The following RELCH variants were observed in gnomAD, a reference collection of about 807,000 sequenced individuals.
RELCH encodes the protein RAB11 binding and LisH domain, coiled-coil and HEAT repeat containing, also known as RAB11-binding protein RELCH.
Under a neutral mutation model 150.3 loss-of-function variants are expected in RELCH, and 41 were observed. The observed-to-expected ratio is 0.27, with a 90% CI of 0.21 to 0.35. The LOEUF is 0.35. RELCH is among the 10% of genes least tolerant of loss of function. The pLI, the probability that RELCH is intolerant of heterozygous loss-of-function variation, is 1.00. For missense variants in RELCH, 1,092 were observed against 1,467.8 expected (o/e 0.74, Z 4.18); for synonymous variants, 478 against 531.8 (o/e 0.90, Z 1.39).
chr18:62,270,640 CTTTTT>C (rs531266627), intron 20 of RELCH, among the ~76,000 whole-genome samples: 1 of 151,846 alleles, frequency 6.6e-6, no homozygotes, highest in Non-Finnish European at 1.5e-5. Flanking sequence ...ACTCTTCTTT[CTTTTT>C]TTTATTTTTA....
chr18:62,260,849 A>T (rs181559833), intron 15 of RELCH, among the ~76,000 whole-genome samples: 1 of 152,104 alleles, frequency 6.6e-6, no homozygotes, highest in Admixed American at 6.6e-5. Context: ...TCTCACTCAC[A>T]TGTGGGAGCT....
chr18:62,210,743 G>A (rs1368828219), intron 1 of RELCH, among the ~76,000 whole-genome samples: 1 of 152,130 alleles, frequency 6.6e-6, no homozygotes, highest in Non-Finnish European at 1.5e-5. Context: ...CATTTTACTG[G>A]TTTTTGTGTA....
In RELCH at chr18:62,302,547, G is replaced by A. The variant is rs182826315; in HGVS notation, c.3531-2867G>A. On this transcript the variant is annotated intron_variant, in intron 28 of 28. Coordinates refer to ENST00000644646, the MANE Select transcript of RELCH (RefSeq NM_001346231.2). ...TTGTTTTTGTTTTTTTCAAGATAGA[G>A]TCTCACTCTGTCTCCCAGGCTGGAG... Among the ~76,000 whole-genome samples, 298 of 152,228 alleles carry A rather than the reference G, an allele frequency of 2.0e-3. 1 individual carries two copies. The highest frequency in any genetic ancestry group is 6.9e-3 in the African/African-American group (288 of 41,524).
At chr18:62,298,460 A>AGT (rs1243163795) in intron 27 of RELCH, among the ~76,000 whole-genome samples, 1 of 152,162 alleles carries the variant, frequency 6.6e-6, no homozygotes, top group Non-Finnish European at 1.5e-5. Context: ...GTGTGACCAT[A>AGT]GTGTGTGTGT....
intron 12 of RELCH, among the ~76,000 whole-genome samples, chr18:62,253,073 A>G (rs184974828): frequency 6.6e-5 from 10 of 152,300 alleles, no homozygotes; most frequent in Admixed American, 6.5e-4. Flanking sequence ...GCTATTTTGT[A>G]GTAATTTATA....
intron 2 of RELCH, among the ~76,000 whole-genome samples, chr18:62,213,872 T>A (rs1476053574): frequency 1.3e-5 from 2 of 152,140 alleles, no homozygotes; most frequent in Admixed American, 1.3e-4. Context: ...CTGTGTAACT[T>A]TTTATTAGAA....
At chr18:62,188,080 C>T (rs1257974654) in intron 1 of RELCH, 49 bp downstream of exon 1, 9 of 1,485,638 alleles carry the variant, frequency 6.1e-6, no homozygotes, top group Non-Finnish European at 7.2e-6. Flanking sequence ...TGGGATTGTA[C>T]GGAGTTACTG....
chr18:62,244,594 G>A (rs954170671), intron 10 of RELCH, among the ~76,000 whole-genome samples, 170 bp from the exon 11 acceptor site: 8 of 152,092 alleles, frequency 5.3e-5, no homozygotes, highest in African/African-American at 7.2e-5. Context: ...ACACATAAAC[G>A]TTTTAGTGTA....
chr18:62,189,261 T>TC (rs1390308211), intron 1 of RELCH, among the ~76,000 whole-genome samples: 2 of 139,582 alleles, frequency 1.4e-5, no homozygotes, highest in Non-Finnish European at 3.1e-5. Flanking sequence ...CTTTTTTTGT[T>TC]TTTTTTTTTT....
intron 1 of RELCH, 129 bp downstream of exon 1, chr18:62,188,160 G>A (rs913854853): frequency 1.5e-5 from 17 of 1,116,262 alleles, no homozygotes; most frequent in Non-Finnish European, 2.0e-5. Context: ...ATTGGGGTGG[G>A]GGCGCTCTTT....
Position 62,305,647 on chromosome 18 carries a change from AT to A in RELCH, c.*117del. On this transcript the variant is annotated 3_prime_UTR_variant, in exon 29 of 29. Transcript: ENST00000644646. The surrounding 1 kb of genome is among the most constrained non-coding windows in gnomAD (Gnocchi z 4.0). ...CTCAGTTTTATGTTCTTGCATTATAATTTTATCCTAACCTCCAAAGATATTT... is the reference window on the plus strand; with the variant it reads ...CTCAGTTTTATGTTCTTGCATTATAATTTATCCTAACCTCCAAAGATATTT... 1 of 1,114,990 alleles carries A rather than the reference AT, an allele frequency of 9.0e-7. No individual in the cohort carries two copies. The highest frequency in any genetic ancestry group is 1.3e-6 in the Non-Finnish European group (1 of 797,708). 69.1% of individuals were successfully genotyped at this position (1,114,990 alleles called of 1,614,324 possible). A position where few individuals can be genotyped will look rare whatever the true frequency, so the allele number is the denominator to read the frequency against.
intron 10 of RELCH, among the ~76,000 whole-genome samples, chr18:62,243,727 T>C (rs2042262582): frequency 6.6e-6 from 1 of 152,086 alleles, no homozygotes; most frequent in Admixed American, 6.6e-5. Flanking sequence ...CATGCTTTTC[T>C]TCAGGTTACA....
intron 1 of RELCH, among the ~76,000 whole-genome samples, chr18:62,200,964 CTTTTTTTTTT>C (rs543882947): frequency 1.8e-5 from 1 of 54,988 alleles, no homozygotes; most frequent in African/African-American, 7.9e-5. Flanking sequence ...TTTTTCTTTG[CTTTTTTTTTT>C]TTTTTTTTTT....
In RELCH at chr18:62,255,403, C is replaced by G; in HGVS notation, c.1825-4C>G. The G allele has an allele frequency of 6.2e-7, 1 of 1,602,480 alleles. No homozygotes were observed. The stretch of plus-strand genomic sequence containing the variant: ...GCTTGATTTATTTATTTTTTTTGCT[C>G]TAGATTAATCACAAATACCCAGAAA... On this transcript the variant is annotated splice_region_variant and splice_polypyrimidine_tract_variant and intron_variant, in intron 12 of 28. Transcript: ENST00000644646.
chr18:62,258,418 C>A, intron 14 of RELCH, 94 bp from the exon 15 acceptor site: 2 of 1,124,242 alleles, frequency 1.8e-6, no homozygotes, highest in South Asian at 1.6e-5. Context: ...AAAATATGTT[C>A]TTAATTTATT....
chr18:62,234,029 A>G (rs1489033295), intron 10 of RELCH, among the ~76,000 whole-genome samples: 1 of 151,894 alleles, frequency 6.6e-6, no homozygotes, highest in Non-Finnish European at 1.5e-5. Context: ...AAAACTGATC[A>G]TCTATCTTTG....
intron 10 of RELCH, among the ~76,000 whole-genome samples, chr18:62,234,331 T>A (rs969559191): frequency 6.6e-6 from 1 of 151,430 alleles, no homozygotes; most frequent in African/African-American, 2.4e-5. Context: ...TTTTTTTTTT[T>A]ATTTGAGGCA....
chr18:62,304,352 T>C (rs1446123388), intron 28 of RELCH, among the ~76,000 whole-genome samples: 1 of 152,162 alleles, frequency 6.6e-6, no homozygotes, highest in Non-Finnish European at 1.5e-5. Context: ...GAGAAGCTTT[T>C]CAAGGTGGGA....
At chr18:62,199,673 G>T (rs117167995) in intron 1 of RELCH, among the ~76,000 whole-genome samples, 1 of 152,124 alleles carries the variant, frequency 6.6e-6, no homozygotes, top group Non-Finnish European at 1.5e-5. Context: ...TGTTTCTGAG[G>T]CCATTCACAA....
Sources: allele counts gnomAD v4.1 joint callset (sites outside exome capture counted in the v4.1 genomes callset), GRCh38; gene constraint gnomAD v4.1.1; non-coding constraint Gnocchi (gnomAD v3.1); transcripts MANE v1.5; gene names NCBI Gene and HGNC (gene_info 2026-07-23, HGNC 2026-07-21).